The following FLT1 variants were observed in gnomAD, a reference collection of about 807,000 sequenced individuals.
FLT1 encodes the protein fms related receptor tyrosine kinase 1.
In FLT1, 49 loss-of-function variants were observed where a neutral mutation model predicts 156.3. The ratio of observed to expected loss-of-function variants is 0.31; its 90% CI spans 0.25 to 0.40. FLT1 has a LOEUF of 0.40. FLT1 is among the 10% of genes least tolerant of loss of function. FLT1 has a pLI of 1.00. For missense variants in FLT1, 1,322 were observed against 1,637.2 expected (o/e 0.81, Z 3.32); for synonymous variants, 594 against 583.8 (o/e 1.02, Z -0.25).
intron 15 of FLT1, among the ~76,000 whole-genome samples, chr13:28,349,966 G>A (rs1192379116): frequency 6.6e-6 from 1 of 152,188 alleles, no homozygotes; most frequent in Non-Finnish European, 1.5e-5. Flanking sequence ...CTCTATCTCT[G>A]TTTGAAAAGC....
intron 14 of FLT1, among the ~76,000 whole-genome samples, chr13:28,377,914 T>C (rs1028913039): frequency 1.3e-5 from 2 of 152,158 alleles, no homozygotes; most frequent in African/African-American, 4.8e-5. Context: ...TAACCCCCAA[T>C]CTGGGTTCAG....
intron 10 of FLT1, among the ~76,000 whole-genome samples, chr13:28,418,642 C>T (rs539286784): frequency 4.6e-5 from 7 of 152,318 alleles, no homozygotes; most frequent in Non-Finnish European, 8.8e-5. Context: ...GTGACGACTG[C>T]AGCCTCAACC....
intron 14 of FLT1, among the ~76,000 whole-genome samples, chr13:28,381,831 C>T (rs1874090633): frequency 6.6e-6 from 1 of 152,124 alleles, no homozygotes; most frequent in Non-Finnish European, 1.5e-5. Context: ...TGGGCCCCAC[C>T]CCCATGCCAA....
intron 4 of FLT1, 100 bp downstream of exon 4, chr13:28,438,121 G>A: frequency 1.7e-6 from 2 of 1,208,186 alleles, no homozygotes; most frequent in Non-Finnish European, 2.4e-6. Flanking sequence ...AGAAGCCCAG[G>A]TGTTTGTAAG....
chr13:28,436,587 T>G (rs1233527919), intron 4 of FLT1, among the ~76,000 whole-genome samples: 1 of 152,184 alleles, frequency 6.6e-6, no homozygotes, highest in Admixed American at 6.5e-5. Flanking sequence ...CCCATCTGCA[T>G]TAGCGCTCCC....
rs974300701 is a variant in FLT1 at position 28,495,089 on chromosome 13, T to C, written c.-246A>G. 4 of 455,930 alleles carry C rather than the reference T, an allele frequency of 8.8e-6. No homozygotes were observed. The East Asian group carries it at 1.1e-4, about 12-fold the overall frequency. The allele number at this position is 455,930 out of a possible 1,614,324, so 28.2% of individuals were successfully genotyped here. On this transcript the variant is annotated 5_prime_UTR_variant, in exon 1 of 30. Transcript: ENST00000282397. This position sits in a 1 kb window ranked among gnomAD's most constrained non-coding sequence, Gnocchi z 4.1. ...GCTGCCGGGGAGGAGCCGAGAGGAG[T>C]GTCCGCCTGGCGCGCTCCGAGCCTC...
chr13:28,310,199 A>G (rs1318522332), intron 27 of FLT1, among the ~76,000 whole-genome samples: 1 of 151,936 alleles, frequency 6.6e-6, no homozygotes, highest in African/African-American at 2.4e-5. Context: ...CGCAAGCAGT[A>G]TTTTCTGACT....
At chr13:28,410,857 G>C (rs1036755818) in intron 10 of FLT1, among the ~76,000 whole-genome samples, 3 of 152,170 alleles carry the variant, frequency 2.0e-5, no homozygotes, top group African/African-American at 7.2e-5. Flanking sequence ...ACAGGGAAAG[G>C]AGCAGAATTA....
intron 14 of FLT1, among the ~76,000 whole-genome samples, chr13:28,374,834 A>G (rs1354633598): frequency 1.3e-5 from 2 of 151,850 alleles, no homozygotes; most frequent in Non-Finnish European, 2.9e-5. Flanking sequence ...TATGTCCTAA[A>G]TTTTTCATTT....
At chr13:28,308,977 C>G in intron 27 of FLT1, 50 bp from the exon 28 acceptor site, 2 of 1,107,998 alleles carry the variant, frequency 1.8e-6, no homozygotes, top group East Asian at 4.7e-5. Flanking sequence ...GCATCCAGCT[C>G]TAATGAGTCA....
rs370106782 is a variant in FLT1 at position 28,321,544 on chromosome 13, A to C, written c.3093T>G (p.Ser1031=). 56 of 1,614,044 alleles carry C rather than the reference A, an allele frequency of 3.5e-5. No individual in the cohort carries two copies. Among genetic ancestry groups the C allele is most frequent in the Non-Finnish European group, 4.7e-5 (55 of 1,179,980 alleles). ...CACAAATCTTCACCACGTTGTTCTCAGATAAAAGAATGTTTCTCGCTGCCA... is the reference window on the plus strand; with the variant it reads ...CACAAATCTTCACCACGTTGTTCTCCGATAAAAGAATGTTTCTCGCTGCCA... ...RDLAARNILL[S]ENNVVKICDF... The change falls in exon 23 of 30, where the codon TCT becomes TCG. Residue 1031 remains serine, a synonymous_variant. Transcript: ENST00000282397.
chr13:28,465,970 G>A (rs1243170082), intron 3 of FLT1, among the ~76,000 whole-genome samples: 1 of 152,202 alleles, frequency 6.6e-6, no homozygotes, highest in African/African-American at 2.4e-5. Flanking sequence ...AGCTATTGAT[G>A]CTGATGGTTG....
intron 12 of FLT1, 50 bp from the exon 13 acceptor site, chr13:28,390,154 T>C (rs1183340441): frequency 5.6e-6 from 9 of 1,595,464 alleles, no homozygotes; most frequent in Non-Finnish European, 6.9e-6. Flanking sequence ...TCAGTGTCTT[T>C]TAATGAGATA....
intron 10 of FLT1, among the ~76,000 whole-genome samples, chr13:28,420,403 A>G (rs1278920721): frequency 6.6e-6 from 1 of 152,234 alleles, no homozygotes; most frequent in Non-Finnish European, 1.5e-5. Context: ...TCTCTGTAGC[A>G]TGGCTGAATT....
chr13:28,325,031 C>A (rs1329282894), intron 20 of FLT1, among the ~76,000 whole-genome samples: 1 of 152,190 alleles, frequency 6.6e-6, no homozygotes, highest in Non-Finnish European at 1.5e-5. Flanking sequence ...TCAATTTAGC[C>A]TTTTGGTTTT....
chr13:28,319,194 A>G (rs1798588333), intron 24 of FLT1, among the ~76,000 whole-genome samples: 2 of 152,200 alleles, frequency 1.3e-5, no homozygotes, highest in Non-Finnish European at 2.9e-5. Context: ...AAGCCCTTTT[A>G]CATGACCTTG....
intron 3 of FLT1, among the ~76,000 whole-genome samples, chr13:28,444,661 T>A (rs1878512455): frequency 1.3e-5 from 2 of 152,116 alleles, no homozygotes; most frequent in African/African-American, 2.4e-5. Context: ...ATAGAAATAA[T>A]ACAAAGTATG....
At position 28,355,241 on chromosome 13, in the gene FLT1, GT is replaced by G. The variant is rs1872858541; in HGVS notation, c.2248+2312del. On this transcript the variant is annotated intron_variant, in intron 15 of 29. Transcript: ENST00000282397. ...ACTTTGGGCAAGTTGTTTAACTTGA[GT>G]TTCCATCTTCCCATCTGTAGATTGA... Among the ~76,000 whole-genome samples the G allele has an allele frequency of 2.6e-5, 4 of 152,336 alleles. No individual in the cohort carries two copies. The South Asian group carries it at 8.3e-4, about 32-fold the overall frequency.
chr13:28,425,523 C>T (rs1341625466), intron 10 of FLT1, among the ~76,000 whole-genome samples: 4 of 95,376 alleles, frequency 4.2e-5, no homozygotes, highest in African/African-American at 1.4e-4. Context: ...TTATTAGCAT[C>T]ACTTAAACCC....
Sources: allele counts gnomAD v4.1 joint callset (sites outside exome capture counted in the v4.1 genomes callset), GRCh38; gene constraint gnomAD v4.1.1; non-coding constraint Gnocchi (gnomAD v3.1); transcripts MANE v1.5; gene names NCBI Gene and HGNC (gene_info 2026-07-23, HGNC 2026-07-21).